KCNH5: variants seen among roughly 807,000 people sequenced by gnomAD.
KCNH5 encodes the protein potassium voltage-gated channel subfamily H member 5.
A neutral mutation model predicts 96.1 loss-of-function variants in KCNH5; 46 were observed. The observed-to-expected ratio is 0.48, with a 90% CI of 0.38 to 0.61. KCNH5 has a LOEUF of 0.61. Among genes scored for constraint, KCNH5 ranks in the 20% least tolerant of loss-of-function variants. KCNH5 has a pLI of 0.00. For synonymous variants in KCNH5, 439 were observed against 449.8 expected (o/e 0.98, Z 0.30); for missense variants, 907 against 1,225.8 (o/e 0.74, Z 3.88).
intron 8 of KCNH5, among the ~76,000 whole-genome samples, chr14:62,809,856 C>T (rs1264591482): frequency 6.6e-6 from 1 of 152,024 alleles, no homozygotes; most frequent in African/African-American, 2.4e-5. Context: ...TTTAGGCTAA[C>T]CCTGCTCATT....
chr14:62,735,102 T>G (rs1459155444), intron 10 of KCNH5, among the ~76,000 whole-genome samples: 1 of 152,164 alleles, frequency 6.6e-6, no homozygotes. Flanking sequence ...TTAGAGCTGA[T>G]GTACAATCCT....
At chr14:63,041,216 C>T (rs1040708210) in intron 1 of KCNH5, among the ~76,000 whole-genome samples, 2 of 152,034 alleles carry the variant, frequency 1.3e-5, no homozygotes, top group Non-Finnish European at 2.9e-5. Context: ...TATTTTTTGT[C>T]TTTTGAATCT....
intron 7 of KCNH5, among the ~76,000 whole-genome samples, chr14:62,853,456 C>G (rs866142420): frequency 1.1e-5 from 1 of 93,316 alleles, no homozygotes. Context: ...AAAGAATAAT[C>G]ATATATATAT....
intron 1 of KCNH5, among the ~76,000 whole-genome samples, chr14:63,033,834 G>T (rs1227961319): frequency 1.3e-5 from 2 of 151,850 alleles, no homozygotes; most frequent in South Asian, 4.1e-4. Flanking sequence ...AAAGGAGGGG[G>T]TGGGTGTTGC....
At chr14:62,738,420 A>G (rs906624206) in intron 10 of KCNH5, among the ~76,000 whole-genome samples, 1 of 152,336 alleles carries the variant, frequency 6.6e-6, no homozygotes, top group Admixed American at 6.5e-5. Flanking sequence ...AACTCAGTGC[A>G]GTTAAGCTTT....
chr14:62,914,586 T>G (rs182784618), intron 7 of KCNH5, among the ~76,000 whole-genome samples: 1 of 152,304 alleles, frequency 6.6e-6, no homozygotes, highest in Admixed American at 6.5e-5. Flanking sequence ...CTTCTCACAT[T>G]TACATATATT....
At chr14:62,789,104 C>T (rs1886378225) in intron 9 of KCNH5, among the ~76,000 whole-genome samples, 1 of 152,016 alleles carries the variant, frequency 6.6e-6, no homozygotes. Flanking sequence ...ACTCCACATC[C>T]CCACCACTGT....
intron 7 of KCNH5, among the ~76,000 whole-genome samples, chr14:62,907,338 T>C (rs1371798962): frequency 6.6e-6 from 1 of 152,204 alleles, no homozygotes; most frequent in Non-Finnish European, 1.5e-5. Context: ...ATCTAGCCCA[T>C]TACTCTCCCT....
chr14:62,726,722 C>A (rs1884934049), intron 10 of KCNH5, among the ~76,000 whole-genome samples: 1 of 152,090 alleles, frequency 6.6e-6, no homozygotes, highest in South Asian at 2.1e-4. Flanking sequence ...AAGATATACA[C>A]ACTATAGATT....
At chr14:62,800,773 T>C (rs562708439) in intron 9 of KCNH5, among the ~76,000 whole-genome samples, 1 of 152,272 alleles carries the variant, frequency 6.6e-6, no homozygotes, top group Admixed American at 6.5e-5. Context: ...AGAGTGTAAA[T>C]ATGCTTCATT....
At chr14:63,000,988 C>T (rs777519811) in intron 4 of KCNH5, among the ~76,000 whole-genome samples, 1 of 152,090 alleles carries the variant, frequency 6.6e-6, no homozygotes, top group Non-Finnish European at 1.5e-5. Flanking sequence ...GGTGGGGGGA[C>T]CACTTGAGAC....
chr14:62,991,036 C>T (rs748956189), intron 4 of KCNH5, among the ~76,000 whole-genome samples: 1 of 151,920 alleles, frequency 6.6e-6, no homozygotes, highest in Non-Finnish European at 1.5e-5. Context: ...GATTACAATT[C>T]AAATTAAAAT....
rs1209313558 is a variant in KCNH5, at chr14:62,779,922, T to C, written c.1825A>G (p.Lys609Glu). 1 of 1,611,120 alleles carries C rather than the reference T, an allele frequency of 6.2e-7. No homozygotes were observed. The highest frequency in any genetic ancestry group is 8.5e-7 in the Non-Finnish European group (1 of 1,178,654). Residue 609 changes from lysine to glutamate, a missense_variant and splice_region_variant, in exon 10 of 11, where the codon AAG (lysine) becomes GAG (glutamate). This residue lies in a region of KCNH5 where 57 missense variants were observed against 76.0 expected (regional missense o/e 0.75). Transcript: ENST00000322893. Reference sequence around the variant, plus strand: ...AAGATGTCTCCAAATACATCACCCTTCCCTAGAAAACAGTATAAGATACAT... The same window carrying C: ...AAGATGTCTCCAAATACATCACCCTCCCCTAGAAAACAGTATAAGATACAT... ...QDDEVVAILG[K>E]GDVFGDIFWK...
intron 6 of KCNH5, among the ~76,000 whole-genome samples, chr14:62,951,508 C>T (rs970025578): frequency 6.6e-6 from 1 of 152,148 alleles, no homozygotes; most frequent in Non-Finnish European, 1.5e-5. Flanking sequence ...TCCATGACTT[C>T]CTTACTGCTA....
intron 7 of KCNH5, among the ~76,000 whole-genome samples, chr14:62,858,167 C>T (rs964903465): frequency 6.6e-6 from 1 of 152,086 alleles, no homozygotes; most frequent in Non-Finnish European, 1.5e-5. Flanking sequence ...CAATTACAGC[C>T]CTCATTTCTG....
chr14:62,868,999 G>A (rs895921685), intron 7 of KCNH5, among the ~76,000 whole-genome samples: 4 of 152,176 alleles, frequency 2.6e-5, no homozygotes, highest in Non-Finnish European at 4.4e-5. Flanking sequence ...ATAAACATAC[G>A]TGTGCATGTG....
In KCNH5 at chr14:62,814,304, A is replaced by G. The variant is rs191321488; in HGVS notation, c.1570-11723T>C. 1.5e-3 allele frequency among the ~76,000 whole-genome samples: 227 copies of G among 152,300 alleles called. 1 individual carries two copies. The highest frequency in any genetic ancestry group is 5.2e-3 in the African/African-American group (218 of 41,578). On this transcript the variant is annotated intron_variant, in intron 8 of 10. Transcript: ENST00000322893. ...TGTTAGGCAGCAAATGTCTTGGGCCACTGGCTTTCCAAAGGCAGGGCTTTG... is the reference window on the plus strand; with the variant it reads ...TGTTAGGCAGCAAATGTCTTGGGCCGCTGGCTTTCCAAAGGCAGGGCTTTG...
chr14:62,810,487 C>T (rs1177681465), intron 8 of KCNH5, among the ~76,000 whole-genome samples: 1 of 152,030 alleles, frequency 6.6e-6, no homozygotes, highest in Non-Finnish European at 1.5e-5. Context: ...TTCTAAGCCA[C>T]AGGATAAGAT....
intron 7 of KCNH5, among the ~76,000 whole-genome samples, chr14:62,890,205 C>T (rs541378481): frequency 2.0e-5 from 3 of 152,194 alleles, no homozygotes; most frequent in South Asian, 2.1e-4. Flanking sequence ...CAAAAGCAAT[C>T]GCACCAATAG....
Sources: gnomAD v4.1 joint callset for allele counts (sites outside exome capture counted in the v4.1 genomes callset) on GRCh38, gnomAD v4.1.1 for gene constraint, gnomAD v4.1.1 regional missense constraint, MANE v1.5 for transcripts, NCBI Gene and HGNC (gene_info 2026-07-23, HGNC 2026-07-21) for gene names.